Variants in CSNK1G1 observed in about 807,000 individuals in gnomAD.
The protein encoded by CSNK1G1 is casein kinase 1 gamma 1.
In CSNK1G1, 22 loss-of-function variants were observed where a neutral mutation model predicts 59.6. The observed-to-expected ratio is 0.37, with a 90% CI of 0.26 to 0.53. CSNK1G1 has a LOEUF of 0.53. Among genes scored for constraint, CSNK1G1 ranks in the 20% least tolerant of loss-of-function variants. The pLI is 0.89. For synonymous variants in CSNK1G1, 179 were observed against 177.1 expected (o/e 1.01, Z -0.08); for missense variants, 384 against 519.5 (o/e 0.74, Z 2.54).
intron 4 of CSNK1G1, among the ~76,000 whole-genome samples, chr15:64,227,506 C>T (rs997434865): frequency 2.6e-5 from 4 of 152,136 alleles, no homozygotes; most frequent in Non-Finnish European, 4.4e-5. Context: ...ACAGCACCTG[C>T]CCATCCAAAC....
chr15:64,260,139 T>A lies in CSNK1G1; in HGVS notation c.182-898A>T, dbSNP rs563427336. Among the ~76,000 whole-genome samples the A allele has an allele frequency of 1.3e-3, 203 of 152,298 alleles. 1 individual carries two copies. Among genetic ancestry groups the A allele is most frequent in the African/African-American group, 4.7e-3 (197 of 41,558 alleles). ...TGTAGTTCAGCCACTGCACTGAACT[T>A]CGCATCTCTTCTTACACGTTTGCCT... On this transcript the variant is annotated intron_variant, in intron 2 of 11. Coordinates refer to ENST00000303052, the MANE Select transcript of CSNK1G1 (RefSeq NM_022048.5).
chr15:64,204,903 CT>C lies in CSNK1G1; in HGVS notation c.811del (p.Arg271GlyfsTer67). The C allele has an allele frequency of 6.2e-7, 1 of 1,612,078 alleles. No homozygotes were observed. The highest frequency in any genetic ancestry group is 8.5e-7 in the Non-Finnish European group (1 of 1,178,270). On this transcript the variant is annotated frameshift_variant, in exon 8 of 12. Coordinates refer to ENST00000303052, the MANE Select transcript of CSNK1G1 (RefSeq NM_022048.5). LOFTEE classifies it high-confidence loss of function. ...ERYQKIGDTK[R>X]NTPIEALCEN... ...ACAGAGAGCTTCAATGGGAGTATTC[CT>C]TTTGGTGTCACCAATTTTTTGATAT...
At chr15:64,180,099 C>T in intron 11 of CSNK1G1, 1 of 464,972 alleles carries the variant, frequency 2.2e-6, no homozygotes, top group South Asian at 2.4e-5. Flanking sequence ...GCCCTGATAA[C>T]ATGATTCTTT....
intron 8 of CSNK1G1, 121 bp downstream of exon 8, chr15:64,204,744 G>T: frequency 1.8e-6 from 2 of 1,134,860 alleles, no homozygotes; most frequent in Non-Finnish European, 2.6e-6. Flanking sequence ...ACCTACTTTG[G>T]TCTGTATCAC....
At chr15:64,292,110 T>G (rs1298487935) in intron 2 of CSNK1G1, among the ~76,000 whole-genome samples, 4 of 151,856 alleles carry the variant, frequency 2.6e-5, no homozygotes, top group Non-Finnish European at 4.4e-5. Flanking sequence ...GTCGGGAGGC[T>G]TAGGCAGGAG....
At chr15:64,294,075 A>C (rs1894882637) in intron 2 of CSNK1G1, among the ~76,000 whole-genome samples, 1 of 152,192 alleles carries the variant, frequency 6.6e-6, no homozygotes, top group Admixed American at 6.5e-5. Context: ...AGCAATAAAA[A>C]GAGGCTTCTT....
At chr15:64,306,286 A>T (rs1039703749) in intron 1 of CSNK1G1, among the ~76,000 whole-genome samples, 3 of 152,244 alleles carry the variant, frequency 2.0e-5, no homozygotes, top group Non-Finnish European at 4.4e-5. Flanking sequence ...CACTCTTAAA[A>T]CTCAACAATC....
In CSNK1G1 at chr15:64,200,294, A is replaced by AT. The variant is rs2082091067; in HGVS notation, c.1107+2787dup. Among the ~76,000 whole-genome samples, 1 of 151,746 alleles carries AT rather than the reference A, an allele frequency of 6.6e-6. No individual in the cohort carries two copies. The highest frequency in any genetic ancestry group is 1.5e-5 in the Non-Finnish European group (1 of 67,952). Reference sequence around the variant, plus strand: ...GACTGTGATATGACACTACTTATCTATTTTTTCTTTACATACATTTTCTAC... The same window carrying AT: ...GACTGTGATATGACACTACTTATCTATTTTTTTCTTTACATACATTTTCTAC... On this transcript the variant is annotated intron_variant, in intron 10 of 11. Coordinates refer to ENST00000303052, the MANE Select transcript of CSNK1G1 (RefSeq NM_022048.5). The surrounding 1 kb of genome is among the most constrained non-coding windows in gnomAD (Gnocchi z 4.3).
At chr15:64,273,206 A>G (rs1893421466) in intron 2 of CSNK1G1, among the ~76,000 whole-genome samples, 3 of 152,204 alleles carry the variant, frequency 2.0e-5, no homozygotes, top group South Asian at 2.1e-4. Flanking sequence ...TGAACATGCT[A>G]ACTACCCTTA....
At chr15:64,218,136 T>C (rs1333067528) in intron 4 of CSNK1G1, among the ~76,000 whole-genome samples, 4 of 151,942 alleles carry the variant, frequency 2.6e-5, no homozygotes, top group Non-Finnish European at 5.9e-5. Context: ...TTTATAGAGA[T>C]GGGGTCTCAC....
At chr15:64,332,401 A>G (rs1897154562) in intron 1 of CSNK1G1, among the ~76,000 whole-genome samples, 2 of 143,030 alleles carry the variant, frequency 1.4e-5, no homozygotes, top group South Asian at 4.5e-4. Flanking sequence ...GGAAACCATC[A>G]TTCTCAGTAA....
intron 6 of CSNK1G1, among the ~76,000 whole-genome samples, chr15:64,208,999 A>T (rs1369194115): frequency 6.7e-6 from 1 of 149,500 alleles, no homozygotes; most frequent in African/African-American, 2.5e-5. Flanking sequence ...TGATCCTCCC[A>T]CCTCAGCTTC....
At chr15:64,207,455 C>T in intron 7 of CSNK1G1, 54 bp downstream of exon 7, 2 of 1,325,078 alleles carry the variant, frequency 1.5e-6, no homozygotes, top group Non-Finnish European at 2.2e-6. Context: ...GAGGCTCCTT[C>T]ATTAACAACT....
At chr15:64,226,223 G>C (rs1362940343) in intron 4 of CSNK1G1, among the ~76,000 whole-genome samples, 1 of 152,202 alleles carries the variant, frequency 6.6e-6, no homozygotes, top group Non-Finnish European at 1.5e-5. Flanking sequence ...TTGTGTATTG[G>C]AGGTGGGTAG....
At chr15:64,323,185 G>A (rs772994143) in intron 1 of CSNK1G1, among the ~76,000 whole-genome samples, 6 of 151,802 alleles carry the variant, frequency 4.0e-5, no homozygotes, top group South Asian at 2.1e-4. Context: ...CCTTGGCCTC[G>A]CAAAGTGCTA....
At chr15:64,350,428 G>C (rs908065750) in intron 1 of CSNK1G1, among the ~76,000 whole-genome samples, 2 of 151,952 alleles carry the variant, frequency 1.3e-5, no homozygotes, top group Non-Finnish European at 2.9e-5. Flanking sequence ...GTGAACCCGG[G>C]AGATGGAGCT....
intron 1 of CSNK1G1, among the ~76,000 whole-genome samples, chr15:64,329,921 C>G (rs937705664): frequency 1.4e-5 from 2 of 148,118 alleles, no homozygotes; most frequent in African/African-American, 5.0e-5. Flanking sequence ...ACTAGAAAAT[C>G]TAGAAGAAAT....
In CSNK1G1 at chr15:64,169,719, G is replaced by T. The variant is rs2081643513; in HGVS notation, c.*2212C>A. 1 of 152,228 alleles carries T rather than the reference G, an allele frequency of 6.6e-6. No individual in the cohort carries two copies. The highest frequency in any genetic ancestry group is 2.1e-4 in the South Asian group (1 of 4,834). The allele number at this position is 152,228 out of a possible 1,614,324, so 9.4% of individuals were successfully genotyped here. ...TCCCAATATTCACAGTCCTTGTGGG[G>T]AAGGGGTGTGATATTGTATCTCCCT... On this transcript the variant is annotated 3_prime_UTR_variant, in exon 12 of 12. Transcript: ENST00000303052.
chr15:64,266,180 A>G lies in CSNK1G1; in HGVS notation c.182-6939T>C, dbSNP rs150181703. Among the ~76,000 whole-genome samples the G allele has an allele frequency of 9.9e-5, 15 of 152,134 alleles. No individual in the cohort carries two copies. In the East Asian group the frequency reaches 2.5e-3, roughly 25 times the overall value. The stretch of plus-strand genomic sequence containing the variant: ...CGGGTTCAAGCAATTCTCCTGCCTC[A>G]GCCTCCTGAGTAGCTGGGACTATAG... On this transcript the variant is annotated intron_variant, in intron 2 of 11. Transcript: ENST00000303052.
Sources: allele counts gnomAD v4.1 joint callset (sites outside exome capture counted in the v4.1 genomes callset), GRCh38; gene constraint gnomAD v4.1.1; non-coding constraint Gnocchi (gnomAD v3.1); transcripts MANE v1.5; gene names NCBI Gene and HGNC (gene_info 2026-07-23, HGNC 2026-07-21).